MYOM2: variants seen among roughly 807,000 people sequenced by gnomAD.
MYOM2 encodes the protein myomesin 2.
Under a neutral mutation model 187.6 loss-of-function variants are expected in MYOM2, and 254 were observed. The observed-to-expected ratio is 1.35, with a 90% CI of 1.22 to 1.50. The LOEUF (loss-of-function observed/expected upper bound fraction) is 1.50. Ranked by LOEUF, MYOM2 falls within the 40% of genes most tolerant of loss-of-function variation. The pLI, the probability that MYOM2 is intolerant of heterozygous loss-of-function variation, is 0.00. For synonymous variants in MYOM2, 981 were observed against 753.8 expected, an observed-to-expected ratio of 1.30 and a Z score of -4.94; for missense variants, 2,796 against 1,924.0, an observed-to-expected ratio of 1.45 and a Z score of -8.48.
chr8:2,140,305 C>T (rs535205435), intron 32 of MYOM2, among the ~76,000 whole-genome samples: 1 of 149,306 alleles, frequency 6.7e-6, no homozygotes, highest in South Asian at 2.2e-4. Context: ...GCTGCCTCCC[C>T]ACCGGGGCGG....
intron 19 of MYOM2, chr8:2,100,500 G>C (rs1796669557): frequency 8.4e-6 from 2 of 238,812 alleles, no homozygotes; most frequent in Non-Finnish European, 8.3e-6. Flanking sequence ...TTCCGGCCAG[G>C]TAGGCAGGCT....
intron 32 of MYOM2, among the ~76,000 whole-genome samples, chr8:2,138,361 G>C (rs1226756873): frequency 6.6e-6 from 1 of 152,196 alleles, no homozygotes; most frequent in African/African-American, 2.4e-5. Context: ...ACTGAGAGCA[G>C]CTGGGCGGAG....
At chr8:2,114,561 G>C (rs567412124) in intron 25 of MYOM2, among the ~76,000 whole-genome samples, 150 of 152,224 alleles carry the variant, frequency 9.9e-4, no homozygotes, top group Middle Eastern at 3.4e-3. Context: ...TGCATCCTCT[G>C]CCTCCTGAGT....
intron 32 of MYOM2, among the ~76,000 whole-genome samples, chr8:2,133,617 T>G (rs13267523): frequency 0.13 from 19,121 of 152,046 alleles, 2,134 homozygotes; most frequent in African/African-American, 0.28. Flanking sequence ...TGCGCCACCA[T>G]GCCTGGCTAA....
intron 15 of MYOM2, among the ~76,000 whole-genome samples, chr8:2,090,411 A>G (rs939212992): frequency 3.9e-5 from 6 of 152,204 alleles, no homozygotes; most frequent in Non-Finnish European, 5.9e-5. Flanking sequence ...TGAAACCAGT[A>G]AGTGAGTTGA....
chr8:2,090,228 G>C lies in MYOM2; in HGVS notation c.1828+37G>C, dbSNP rs569907509. 8.8e-6 allele frequency: 14 copies of C among 1,591,008 alleles called. No homozygotes were observed. The East Asian group carries it at 2.7e-4, about 31-fold the overall frequency. On this transcript the variant is annotated intron_variant, in intron 15 of 36. Transcript: ENST00000262113. ...CACTGGGTGGCCCCAAGTCAGGATG[G>C]ACTAAGAGTGGGGTGACACCAAATA...
intron 32 of MYOM2, among the ~76,000 whole-genome samples, chr8:2,139,363 A>G (rs1798196988): frequency 6.6e-6 from 1 of 150,982 alleles, no homozygotes. Flanking sequence ...CTGGTCTCCA[A>G]CTCCTGGGCT....
intron 32 of MYOM2, among the ~76,000 whole-genome samples, chr8:2,135,568 C>A (rs1214771184): frequency 6.6e-6 from 1 of 152,112 alleles, no homozygotes; most frequent in African/African-American, 2.4e-5. Flanking sequence ...AGTTGACCAT[C>A]CTGCTGGTTG....
chr8:2,092,310 T>A (rs748518111), intron 15 of MYOM2, 36 bp from the exon 16 acceptor site: 9 of 1,604,700 alleles, frequency 5.6e-6, no homozygotes, highest in Middle Eastern at 1.7e-4. Context: ...AAAGCTCTGA[T>A]GCCATTTCAC....
chr8:2,136,819 G>C lies in MYOM2; in HGVS notation c.3801-3904G>C, dbSNP rs187683381. 6.6e-5 allele frequency among the ~76,000 whole-genome samples: 10 copies of C among 152,296 alleles called. No homozygotes were observed. The East Asian group carries it at 1.4e-3, about 21-fold the overall frequency. On this transcript the variant is annotated intron_variant, in intron 32 of 36. Coordinates refer to ENST00000262113, the MANE Select transcript of MYOM2 (RefSeq NM_003970.4). ...AAGCAAGTTGCTAATTGTGTGAGTAGAATGGATCACCACTGGAATGGAACG... is the reference window on the plus strand; with the variant it reads ...AAGCAAGTTGCTAATTGTGTGAGTACAATGGATCACCACTGGAATGGAACG...
intron 13 of MYOM2, among the ~76,000 whole-genome samples, chr8:2,080,790 C>T (rs1256236682): frequency 6.6e-6 from 1 of 152,210 alleles, no homozygotes; most frequent in African/African-American, 2.4e-5. Context: ...GCCGACGAGC[C>T]CGTGTAGAAT....
rs538305376 is a variant in MYOM2 at position 2,072,440 on chromosome 8, C to A, written c.889C>A (p.Leu297Ile). Residue 297 changes from leucine (L) to isoleucine (I), a missense_variant, in exon 9 of 37, where the codon CTC becomes ATC. Coordinates refer to ENST00000262113, the MANE Select transcript of MYOM2 (RefSeq NM_003970.4). ...CAGGAGGGAAGGCGAGACGGTCACTCTCAAGTGCACCATGCTGGTGACGCC... is the reference window on the plus strand; with the variant it reads ...CAGGAGGGAAGGCGAGACGGTCACTATCAAGTGCACCATGCTGGTGACGCC... ...TFRREGETVT[L>I]KCTMLVTPDL... is the part of the protein sequence containing the mutation. The A allele has an allele frequency of 1.1e-5, 17 of 1,614,064 alleles. No individual in the cohort carries two copies. The highest frequency in any genetic ancestry group is 1.2e-5 in the Non-Finnish European group (14 of 1,180,050).
chr8:2,140,566 T>C (rs368376835), intron 32 of MYOM2, among the ~76,000 whole-genome samples, 157 bp from the exon 33 acceptor site: 6 of 152,362 alleles, frequency 3.9e-5, no homozygotes, highest in African/African-American at 1.2e-4. Context: ...GAGTTACTGA[T>C]GTGGTCAATA....
chr8:2,079,433 C>T (rs2129337068), intron 12 of MYOM2, 127 bp from the exon 13 acceptor site: 2 of 865,186 alleles, frequency 2.3e-6, no homozygotes, highest in East Asian at 2.4e-5. Context: ...AGCTCTGATG[C>T]CCCCAGAGGA....
chr8:2,130,555 A>G (rs1387664707), intron 32 of MYOM2, among the ~76,000 whole-genome samples: 1 of 152,232 alleles, frequency 6.6e-6, no homozygotes, highest in Non-Finnish European at 1.5e-5. Flanking sequence ...CTGTAAGTAA[A>G]TTGAAGAGTT....
chr8:2,055,767 G>C (rs2129328702), intron 3 of MYOM2, among the ~76,000 whole-genome samples: 1 of 152,310 alleles, frequency 6.6e-6, no homozygotes, highest in East Asian at 1.9e-4. Flanking sequence ...CCTGCACCCT[G>C]GGTCTCGGAC....
chr8:2,057,872 GT>G, intron 5 of MYOM2, 92 bp downstream of exon 5: 2 of 1,380,438 alleles, frequency 1.4e-6, no homozygotes, highest in Non-Finnish European at 2.0e-6. Context: ...CATTGAACCT[GT>G]GCTGGAGGCC....
In MYOM2 at chr8:2,069,427, C is replaced by T. The variant is rs550692924; in HGVS notation, c.743-20C>T. 6.2e-7 allele frequency: 1 copy of T among 1,614,172 alleles called. No individual in the cohort carries two copies. Among genetic ancestry groups the T allele is most frequent in the Non-Finnish European group, 8.5e-7 (1 of 1,179,986 alleles). ...GCCTCCTTTTCTCTTTTCTGCTGCACTCACTTTGCTGTCTTGCAGGGTTCC... is the reference window on the plus strand; with the variant it reads ...GCCTCCTTTTCTCTTTTCTGCTGCATTCACTTTGCTGTCTTGCAGGGTTCC... On this transcript the variant is annotated intron_variant, in intron 7 of 36. Transcript: ENST00000262113.
intron 32 of MYOM2, among the ~76,000 whole-genome samples, chr8:2,135,631 A>G (rs146450115): frequency 7.0e-4 from 106 of 152,300 alleles, no homozygotes; most frequent in Non-Finnish European, 1.2e-3. Context: ...CCACTGTCTT[A>G]TATTAATGTG....
Sources: allele counts gnomAD v4.1 joint callset (sites outside exome capture counted in the v4.1 genomes callset), GRCh38; gene constraint gnomAD v4.1.1; transcripts MANE v1.5; gene names NCBI Gene and HGNC (gene_info 2026-07-23, HGNC 2026-07-21).